Variants in BTG4 observed in about 807,000 individuals in gnomAD.
The protein encoded by BTG4 is protein BTG4.
A neutral mutation model predicts 19.3 loss-of-function variants in BTG4; 10 were observed. The observed-to-expected ratio is 0.52, with a 90% confidence interval of 0.32 to 0.88. BTG4 has a LOEUF of 0.88. BTG4 is among the 40% of genes least tolerant of loss of function. BTG4 has a pLI of 0.04. For synonymous variants in BTG4, 91 were observed against 95.7 expected (o/e 0.95, Z 0.29); for missense variants, 238 against 281.9 (o/e 0.84, Z 1.11).
chr11:111,424,017 T>C, the BTG4 span, among the ~76,000 whole-genome samples: 140,047 of 152,148 alleles, frequency 0.92, 64,799 homozygotes, highest in East Asian at 1. Flanking sequence ...CCACCAGTGG[T>C]GACAGAAGCC....
intron 1 of BTG4, among the ~76,000 whole-genome samples, chr11:111,509,475 G>A (rs556018465): frequency 2.5e-4 from 38 of 152,024 alleles, no homozygotes; most frequent in African/African-American, 7.2e-4. Flanking sequence ...GCGGTGGATC[G>A]CCTGAGGTCA....
chr11:111,454,807 C>G, the BTG4 span, among the ~76,000 whole-genome samples: 6 of 111,370 alleles, frequency 5.4e-5, no homozygotes, highest in African/African-American at 7.0e-5. Flanking sequence ...CTCATTCACT[C>G]TTTCCAAGTG....
intron 5 of BTG4, among the ~76,000 whole-genome samples, chr11:111,484,713 C>A (rs1381446573): frequency 1.3e-5 from 2 of 151,944 alleles, no homozygotes; most frequent in Non-Finnish European, 2.9e-5. Context: ...CAAAGAAAGA[C>A]AGGAAGGAAA....
the BTG4 span, among the ~76,000 whole-genome samples, chr11:111,430,284 G>A: frequency 6.6e-6 from 1 of 152,140 alleles, no homozygotes. Flanking sequence ...CCAGTAAGGT[G>A]GGACAACTCA....
chr11:111,465,056 G>A (rs555850130), downstream of BTG4, among the ~76,000 whole-genome samples: 4 of 152,196 alleles, frequency 2.6e-5, no homozygotes, highest in African/African-American at 4.8e-5. Flanking sequence ...AGAAATGAAC[G>A]AAGAGAAGAC....
the BTG4 span, among the ~76,000 whole-genome samples, chr11:111,392,120 A>G: frequency 6.6e-6 from 1 of 151,892 alleles, no homozygotes; most frequent in Non-Finnish European, 1.5e-5. Flanking sequence ...AGGCAAGGGC[A>G]AAGATAGACC....
the BTG4 span, chr11:111,434,866 G>A: frequency 6.6e-6 from 1 of 152,130 alleles, no homozygotes; most frequent in East Asian, 1.9e-4. Context: ...CCCAAGCCCT[G>A]AACAATGCCT....
At chr11:111,437,314 C>T in the BTG4 span, among the ~76,000 whole-genome samples, 1 of 152,112 alleles carries the variant, frequency 6.6e-6, no homozygotes, top group Non-Finnish European at 1.5e-5. Flanking sequence ...AGATCATTCT[C>T]CTCCTCCAGT....
chr11:111,498,148 C>A lies in BTG4; in HGVS notation c.174-13G>T. 1.2e-6 allele frequency: 2 copies of A among 1,612,818 alleles called. No homozygotes were observed. Among genetic ancestry groups the A allele is most frequent in the Middle Eastern group, 1.7e-4 (1 of 6,060 alleles). ...TATCCTGATGCACCTTTTTAAAAAGCGAAGGGAAACGAAGACATGATGACA... is the reference window on the plus strand; with the variant it reads ...TATCCTGATGCACCTTTTTAAAAAGAGAAGGGAAACGAAGACATGATGACA... On this transcript the variant is annotated splice_polypyrimidine_tract_variant and intron_variant, in intron 2 of 4. Transcript: ENST00000692032.
intron 5 of BTG4, among the ~76,000 whole-genome samples, chr11:111,474,456 G>T (rs554427284): frequency 4.6e-5 from 7 of 152,210 alleles, no homozygotes; most frequent in Non-Finnish European, 7.4e-5. Context: ...TTACTTTATT[G>T]CTTATTTTGC....
the BTG4 span, chr11:111,449,565 TCCAG>T: frequency 6.6e-6 from 1 of 152,372 alleles, no homozygotes; most frequent in African/African-American, 2.4e-5. Context: ...TGTCCACCAT[TCCAG>T]CCACTGGGCT....
chr11:111,514,471 G>C (rs1332127189), upstream of BTG4: 13 of 381,514 alleles, frequency 3.4e-5, no homozygotes, highest in Non-Finnish European at 6.3e-5. Context: ...ATCTTTCTGG[G>C]GGGAGGGGAG....
chr11:111,465,565 G>C (rs980227612), downstream of BTG4, among the ~76,000 whole-genome samples: 1 of 152,188 alleles, frequency 6.6e-6, no homozygotes, highest in Non-Finnish European at 1.5e-5. Flanking sequence ...GATAGGTCAA[G>C]AAAGTATTCA....
At chr11:111,492,297 C>T (rs1055525255), downstream of BTG4, among the ~76,000 whole-genome samples, 3 of 152,196 alleles carry the variant, frequency 2.0e-5, no homozygotes, top group Non-Finnish European at 4.4e-5. Flanking sequence ...TGTAAAGGTT[C>T]TTGAAAAATC....
downstream of BTG4, among the ~76,000 whole-genome samples, chr11:111,463,890 C>G (rs1308579833): frequency 6.6e-6 from 1 of 152,146 alleles, no homozygotes; most frequent in Non-Finnish European, 1.5e-5. Context: ...CTGCTGTTGG[C>G]CAGAGACAAC....
the BTG4 span, among the ~76,000 whole-genome samples, chr11:111,429,417 G>A: frequency 1.3e-5 from 2 of 152,170 alleles, no homozygotes; most frequent in East Asian, 1.9e-4. Context: ...TCAAGGTCAC[G>A]TAGCAACTGA....
At chr11:111,419,194 T>C in the BTG4 span, among the ~76,000 whole-genome samples, 7 of 152,234 alleles carry the variant, frequency 4.6e-5, no homozygotes, top group East Asian at 1.4e-3. Context: ...ACCTATAAAC[T>C]TGGAGGAGAA....
chr11:111,507,317 T>C (rs934469023), intron 1 of BTG4, among the ~76,000 whole-genome samples: 9 of 152,214 alleles, frequency 5.9e-5, no homozygotes, highest in African/African-American at 2.2e-4. Flanking sequence ...ACTAGCTTAT[T>C]GAAACCTTAA....
chr11:111,479,126 GAC>G (rs1437888578), intron 5 of BTG4, among the ~76,000 whole-genome samples: 2 of 152,132 alleles, frequency 1.3e-5, no homozygotes, highest in East Asian at 3.9e-4. Context: ...AGAGAAAAAT[GAC>G]ACCCTACCAC....
Sources: gnomAD v4.1 joint callset for allele counts (sites outside exome capture counted in the v4.1 genomes callset) on GRCh38, gnomAD v4.1.1 for gene constraint, MANE v1.5 for transcripts, NCBI Gene and HGNC (gene_info 2026-07-23, HGNC 2026-07-21) for gene names.